Variants in PARVG observed in about 807,000 individuals in gnomAD.
The protein encoded by PARVG is gamma-parvin.
PARVG carries 36 observed loss-of-function variants against 44.4 expected under a neutral mutation model. That is an observed-to-expected ratio of 0.81 (90% CI 0.62 to 1.07). The LOEUF (loss-of-function observed/expected upper bound fraction) is 1.07. PARVG is among the 50% of genes least tolerant of loss of function. The pLI, the probability that PARVG is intolerant of heterozygous loss-of-function variation, is 0.00. For synonymous variants in PARVG, 170 were observed against 174.1 expected (o/e 0.98, Z 0.19); for missense variants, 407 against 407.4 (o/e 1.00, Z 0.01).
chr22:44,187,912 G>GGCCC, intron 5 of PARVG, 34 bp downstream of exon 5: 1 of 1,608,592 alleles, frequency 6.2e-7, no homozygotes, highest in Non-Finnish European at 8.5e-7. Context: ...CCTGGGCCTC[G>GGCCC]GCCCCATCCC....
chr22:44,187,603 C>A, intron 4 of PARVG, 173 bp from the exon 5 acceptor site: 1 of 645,182 alleles, frequency 1.5e-6, no homozygotes, highest in Middle Eastern at 2.8e-4. Context: ...GAACCTGGGG[C>A]AGGCCCCTAA....
intron 12 of PARVG, among the ~76,000 whole-genome samples, chr22:44,201,221 A>G (rs2054703546): frequency 1.3e-5 from 2 of 151,838 alleles, no homozygotes; most frequent in Admixed American, 6.5e-5. Context: ...ACCACAGTCC[A>G]CACTCCCTTG....
At chr22:44,189,958 A>T (rs937746700) in intron 6 of PARVG, among the ~76,000 whole-genome samples, 1 of 151,988 alleles carries the variant, frequency 6.6e-6, no homozygotes, top group African/African-American at 2.4e-5. Flanking sequence ...AAACACCTAG[A>T]CTTCCCCACC....
chr22:44,181,671 G>A (rs1288269883), intron 1 of PARVG, 71 bp from the exon 2 acceptor site: 3 of 979,088 alleles, frequency 3.1e-6, no homozygotes, highest in South Asian at 9.4e-5. Flanking sequence ...CTGGGGCTCC[G>A]GGCAGAGCTT....
intron 13 of PARVG, 141 bp downstream of exon 13, chr22:44,205,970 G>T: frequency 9.6e-7 from 1 of 1,040,362 alleles, no homozygotes. Flanking sequence ...GAGAATGGGC[G>T]CTTGCCAAGG....
intron 12 of PARVG, among the ~76,000 whole-genome samples, chr22:44,202,056 C>T (rs1288185359): frequency 2.0e-5 from 3 of 152,200 alleles, no homozygotes; most frequent in Non-Finnish European, 2.9e-5. Context: ...GCAGTGTGGA[C>T]GAATGTGCTA....
intron 7 of PARVG, among the ~76,000 whole-genome samples, chr22:44,191,000 G>A (rs1307714999): frequency 6.6e-5 from 10 of 152,292 alleles, no homozygotes; most frequent in East Asian, 1.9e-4. Flanking sequence ...GTGGCCGTCC[G>A]TTCATTGCCA....
At chr22:44,177,080 A>C (rs969495704), upstream of PARVG, among the ~76,000 whole-genome samples, 1 of 152,204 alleles carries the variant, frequency 6.6e-6, no homozygotes, top group Non-Finnish European at 1.5e-5. Context: ...GGACATAGCC[A>C]AACCATATCA....
intron 9 of PARVG, among the ~76,000 whole-genome samples, chr22:44,194,788 T>C (rs904134133): frequency 3.0e-4 from 45 of 150,514 alleles, no homozygotes; most frequent in African/African-American, 1.1e-3. Flanking sequence ...CCATCATCTA[T>C]CCATCCATCC....
chr22:44,199,204 A>T (rs2054672106), intron 12 of PARVG, among the ~76,000 whole-genome samples: 1 of 150,942 alleles, frequency 6.6e-6, no homozygotes, highest in Non-Finnish European at 1.5e-5. Flanking sequence ...CAGTCCATCC[A>T]TCCATCCATC....
chr22:44,188,079 GC>G (rs1276507045), intron 5 of PARVG: 1 of 611,198 alleles, frequency 1.6e-6, no homozygotes, highest in Non-Finnish European at 2.9e-6. Flanking sequence ...CCGAGCTGGG[GC>G]TCAGGGTGGG....
intron 7 of PARVG, among the ~76,000 whole-genome samples, chr22:44,191,037 A>G (rs1014732823): frequency 6.6e-6 from 1 of 152,196 alleles, no homozygotes; most frequent in Admixed American, 6.5e-5. Flanking sequence ...CCTGAGCAAA[A>G]CCAATGCTCT....
intron 5 of PARVG, 107 bp downstream of exon 5, chr22:44,187,985 G>C: frequency 9.0e-7 from 1 of 1,112,614 alleles, no homozygotes; most frequent in Non-Finnish European, 1.3e-6. Flanking sequence ...CAATGGTCCC[G>C]GGTTTAGGGA....
intron 12 of PARVG, among the ~76,000 whole-genome samples, chr22:44,200,508 A>G (rs2054692517): frequency 6.6e-6 from 1 of 152,224 alleles, no homozygotes; most frequent in Non-Finnish European, 1.5e-5. Context: ...AGGAGGTGAC[A>G]TTGGAGGCGT....
chr22:44,177,704 T>TG (rs1324464405), upstream of PARVG, among the ~76,000 whole-genome samples: 2 of 152,154 alleles, frequency 1.3e-5, no homozygotes, highest in Non-Finnish European at 2.9e-5. Flanking sequence ...TGTTGATTGT[T>TG]TTACTTTCTT....
In PARVG at chr22:44,206,796, G is replaced by A. The variant is rs1404089719; in HGVS notation, c.*370G>A. On this transcript the variant is annotated 3_prime_UTR_variant, in exon 14 of 14. Transcript: ENST00000444313. ...AGAGAGGTGGCATCACTCAGGGCTG[G>A]GGACTCTCAGGGACAGGGCCCACAG... is the stretch of plus-strand genomic sequence containing the variant. 4 of 252,578 alleles carry A rather than the reference G, an allele frequency of 1.6e-5. No homozygotes were observed. Among genetic ancestry groups the A allele is most frequent in the Non-Finnish European group, 1.5e-5 (2 of 130,216 alleles). 15.6% of individuals were successfully genotyped at this position (252,578 alleles called of 1,614,324 possible). A position where few individuals can be genotyped will look rare whatever the true frequency, so the allele number is the denominator to read the frequency against.
At chr22:44,189,736 G>T (rs1226548244) in intron 6 of PARVG, among the ~76,000 whole-genome samples, 1 of 152,152 alleles carries the variant, frequency 6.6e-6, no homozygotes, top group Non-Finnish European at 1.5e-5. Context: ...GGTCAACATG[G>T]TGAAACCCCA....
intron 9 of PARVG, among the ~76,000 whole-genome samples, chr22:44,194,825 TCATCCATCCATC>T (rs1232053535): frequency 6.9e-6 from 1 of 144,640 alleles, no homozygotes; most frequent in Non-Finnish European, 1.5e-5. Flanking sequence ...ATCCATATAT[TCATCCATCCATC>T]CATCCATCTA....
Position 44,198,643 on chromosome 22 carries a change from T to C in PARVG, c.734T>C (p.Leu245Pro). 2 of 1,613,832 alleles carry C rather than the reference T, an allele frequency of 1.2e-6. No homozygotes were observed. The highest frequency in any genetic ancestry group is 2.2e-5 in the East Asian group (1 of 44,866). The change falls in exon 12 of 14, where the codon CTC (leucine) becomes CCC (proline). Residue 245 changes from leucine to proline, a missense_variant. Coordinates refer to ENST00000444313, the MANE Select transcript of PARVG (RefSeq NM_022141.7). ...TAGTTTGCAGATGGGGTCATCTTAC[T>C]CTTGCTGATTGGACAACTTGAAGGC... Reference protein sequence around the residue: ...DTQFADGVILLLLIGQLEGFF... With the variant: ...DTQFADGVILPLLIGQLEGFF...
Sources: gnomAD v4.1 joint callset for allele counts (sites outside exome capture counted in the v4.1 genomes callset) on GRCh38, gnomAD v4.1.1 for gene constraint, MANE v1.5 for transcripts, NCBI Gene and HGNC (gene_info 2026-07-23, HGNC 2026-07-21) for gene names.